The following EFNA1 variants were observed in gnomAD, a reference collection of about 807,000 sequenced individuals.
The protein encoded by EFNA1 is ephrin A1, also known as ephrin-A1.
In EFNA1, 8 loss-of-function variants were observed where a neutral mutation model predicts 23.2. That is an observed-to-expected ratio of 0.34 (90% CI 0.20 to 0.62). EFNA1 has a LOEUF of 0.62. EFNA1 is among the 20% of genes least tolerant of loss of function. The pLI is 0.75. For missense variants in EFNA1, 217 were observed against 260.0 expected (o/e 0.83, Z 1.14); for synonymous variants, 89 against 98.6 (o/e 0.90, Z 0.58).
chr1:155,133,488 G>A lies in EFNA1; in HGVS notation c.389-15G>A, dbSNP rs1333109316. On this transcript the variant is annotated splice_polypyrimidine_tract_variant and intron_variant, in intron 2 of 4. Transcript: ENST00000368407. Reference sequence around the variant, plus strand: ...CAAAGGTTTCTTATTTAACCCCTGTGGGCTTATCTTGCAGCCAAACCCATC... The same window carrying A: ...CAAAGGTTTCTTATTTAACCCCTGTAGGCTTATCTTGCAGCCAAACCCATC... 6.2e-7 allele frequency: 1 copy of A among 1,614,134 alleles called. No individual in the cohort carries two copies. The highest frequency in any genetic ancestry group is 1.7e-5 in the Admixed American group (1 of 60,010).
In EFNA1 at chr1:155,133,582, C is replaced by G. The variant is rs1274088816; in HGVS notation, c.454+14C>G. The G allele has an allele frequency of 6.2e-7, 1 of 1,613,636 alleles. No individual in the cohort carries two copies. Among genetic ancestry groups the G allele is most frequent in the African/African-American group, 1.3e-5 (1 of 74,822 alleles). ...GTGGCAAAATCAGTGAGTGTCAGAGCCCTGTGGGCCTCCTTCCTCCATCTC... is the reference window on the plus strand; with the variant it reads ...GTGGCAAAATCAGTGAGTGTCAGAGGCCTGTGGGCCTCCTTCCTCCATCTC... On this transcript the variant is annotated intron_variant, in intron 3 of 4. Transcript: ENST00000368407.
Position 155,131,321 on chromosome 1 carries a change from C to A in EFNA1, c.93-18C>A, listed in dbSNP as rs772022950. 2 of 1,594,584 alleles carry A rather than the reference C, an allele frequency of 1.3e-6. No homozygotes were observed. Among genetic ancestry groups the A allele is most frequent in the South Asian group, 1.1e-5 (1 of 90,606 alleles). On this transcript the variant is annotated intron_variant, in intron 1 of 4. Transcript: ENST00000368407. ...TTCTGAATGACCACCTGCTTCTTCCCCCTGTGTGTGTCCCCAGGTTCCGGA... is the reference window on the plus strand; with the variant it reads ...TTCTGAATGACCACCTGCTTCTTCCACCTGTGTGTGTCCCCAGGTTCCGGA...
At chr1:155,130,981 T>C in intron 1 of EFNA1, 1 of 985,290 alleles carries the variant, frequency 1.0e-6, no homozygotes, top group African/African-American at 1.7e-5. Flanking sequence ...AGAACAGATT[T>C]GGGGAAATAT....
In EFNA1 at chr1:155,127,881, T is replaced by G. The variant is rs1440910333; in HGVS notation, c.-97T>G. ...AGTCGCTAGGCGAAGGGGCCAGATC[T>G]GTGAGCCCAGCGCTGACTGCGCCGC... is the stretch of plus-strand genomic sequence containing the variant. On this transcript the variant is annotated 5_prime_UTR_variant, in exon 1 of 5. Coordinates refer to ENST00000368407, the MANE Select transcript of EFNA1 (RefSeq NM_004428.3). The surrounding 1 kb of genome is among the most constrained non-coding windows in gnomAD (Gnocchi z 4.4). 1 of 921,652 alleles carries G rather than the reference T, an allele frequency of 1.1e-6. No homozygotes were observed. The highest frequency in any genetic ancestry group is 1.7e-5 in the African/African-American group (1 of 59,836). 57.1% of individuals were successfully genotyped at this position (921,652 alleles called of 1,614,324 possible).
chr1:155,131,745 A>C (rs1664243914), intron 2 of EFNA1, 111 bp downstream of exon 2: 1 of 1,231,256 alleles, frequency 8.1e-7, no homozygotes, highest in Non-Finnish European at 1.1e-6. Context: ...CCGATCTTGA[A>C]TTCTATTTTC....
At chr1:155,131,290 C>T (rs377143145) in intron 1 of EFNA1, 49 bp from the exon 2 acceptor site, 33 of 1,571,286 alleles carry the variant, frequency 2.1e-5, no homozygotes, top group African/African-American at 4.0e-5. Flanking sequence ...AAGGATCTGG[C>T]CTGGCTTCTG....
rs1375907579 is a variant in EFNA1, at chr1:155,133,745, C to A, written c.470C>A (p.Ala157Asp). Residue 157 changes from alanine to aspartate, a missense_variant, in exon 4 of 5, where the codon GCC (alanine) becomes GAC (aspartate). Ala to Asp is a moderately radical substitution (Grantham distance 126). Coordinates refer to ENST00000368407, the MANE Select transcript of EFNA1 (RefSeq NM_004428.3). ...TGTCTTTCAGCTCACAGTCCTCAGG[C>A]CCATGACAATCCACAGGAGAAGAGA... Reference protein sequence around the residue: ...VSGKITHSPQAHDNPQEKRLA... With the variant: ...VSGKITHSPQDHDNPQEKRLA... The A allele has an allele frequency of 6.2e-7, 1 of 1,613,968 alleles. No homozygotes were observed. The highest frequency in any genetic ancestry group is 1.3e-5 in the African/African-American group (1 of 74,872).
Position 155,127,905 on chromosome 1 carries a change from G to A in EFNA1, c.-73G>A. The A allele has an allele frequency of 1.6e-6, 2 of 1,218,842 alleles. No homozygotes were observed. The highest frequency in any genetic ancestry group is 2.3e-6 in the Non-Finnish European group (2 of 856,948). The allele number at this position is 1,218,842 out of a possible 1,614,324, so 75.5% of individuals were successfully genotyped here. On this transcript the variant is annotated 5_prime_UTR_variant, in exon 1 of 5. Coordinates refer to ENST00000368407, the MANE Select transcript of EFNA1 (RefSeq NM_004428.3). This position sits in a 1 kb window ranked among gnomAD's most constrained non-coding sequence, Gnocchi z 4.4. ...CTGTGAGCCCAGCGCTGACTGCGCCGCGGAGAAAGCCAGTGGGAACCCAGA... is the reference window on the plus strand; with the variant it reads ...CTGTGAGCCCAGCGCTGACTGCGCCACGGAGAAAGCCAGTGGGAACCCAGA...
At position 155,134,422 on chromosome 1, in the gene EFNA1, T is replaced by C; in HGVS notation, c.*355T>C. On this transcript the variant is annotated 3_prime_UTR_variant, in exon 5 of 5. Coordinates refer to ENST00000368407, the MANE Select transcript of EFNA1 (RefSeq NM_004428.3). ...AAGGGGCCACGTGGATGGGCAAAGC[T>C]TGTCAAAGATGCCCCCTCCAGGAGA... 1 of 315,210 alleles carries C rather than the reference T, an allele frequency of 3.2e-6. No homozygotes were observed. The highest frequency in any genetic ancestry group is 7.8e-5 in the East Asian group (1 of 12,806). 19.5% of individuals were successfully genotyped at this position (315,210 alleles called of 1,614,324 possible). A position where few individuals can be genotyped will look rare whatever the true frequency, so the allele number is the denominator to read the frequency against.
intron 2 of EFNA1, 128 bp downstream of exon 2, chr1:155,131,762 C>T (rs1472587748): frequency 9.4e-7 from 1 of 1,067,836 alleles, no homozygotes; most frequent in African/African-American, 1.6e-5. Flanking sequence ...TTTCATTCAT[C>T]TACATCCCAA....
In EFNA1 at chr1:155,134,045, T is replaced by G; in HGVS notation, c.596T>G (p.Leu199Arg). 2 of 1,614,122 alleles carry G rather than the reference T, an allele frequency of 1.2e-6. No individual in the cohort carries two copies. Among genetic ancestry groups the G allele is most frequent in the Non-Finnish European group, 1.7e-6 (2 of 1,180,014 alleles). ...GCCTGGACTGTGCTGCTCCTTCCAC[T>G]TCTGCTGCTGCAAACCCCGTGAAGG... ...PLAWTVLLLP[L>R]LLLQTP The change falls in exon 5 of 5, where the codon CTT becomes CGT. Residue 199 changes from leucine to arginine, a missense_variant. By Grantham distance (102) the Leu-to-Arg change is moderately radical. Coordinates refer to ENST00000368407, the MANE Select transcript of EFNA1 (RefSeq NM_004428.3).
At position 155,130,785 on chromosome 1, in the gene EFNA1, G is replaced by A. The variant is rs933685636; in HGVS notation, c.93-554G>A. 24 of 984,836 alleles carry A rather than the reference G, an allele frequency of 2.4e-5. No homozygotes were observed. The African/African-American group carries it at 4.2e-4, about 17-fold the overall frequency. 61.0% of individuals were successfully genotyped at this position (984,836 alleles called of 1,614,324 possible). A position where few individuals can be genotyped will look rare whatever the true frequency, so the allele number is the denominator to read the frequency against. ...TCACTTTTGAGGAAAAGTGAAGCTG[G>A]GAAATGTGAGATCTACTCAGTGGGT... is the stretch of plus-strand genomic sequence containing the variant. On this transcript the variant is annotated intron_variant, in intron 1 of 4. Coordinates refer to ENST00000368407, the MANE Select transcript of EFNA1 (RefSeq NM_004428.3).
rs1296206919 is a variant in EFNA1, at chr1:155,133,587, T to C, written c.454+19T>C. 1.2e-6 allele frequency: 2 copies of C among 1,613,670 alleles called. No individual in the cohort carries two copies. Among genetic ancestry groups the C allele is most frequent in the Admixed American group, 1.7e-5 (1 of 59,918 alleles). On this transcript the variant is annotated intron_variant, in intron 3 of 4. Transcript: ENST00000368407. ...AAAATCAGTGAGTGTCAGAGCCCTG[T>C]GGGCCTCCTTCCTCCATCTCTATGC...
chr1:155,131,276 GC>G, intron 1 of EFNA1, 62 bp from the exon 2 acceptor site: 3 of 1,547,968 alleles, frequency 1.9e-6, no homozygotes, highest in Non-Finnish European at 2.6e-6. Context: ...ACATTCAGAG[GC>G]CCAAGGATCT....
intron 1 of EFNA1, chr1:155,130,697 A>G (rs1049323371): frequency 1.6e-5 from 16 of 985,318 alleles, no homozygotes; most frequent in South Asian, 4.7e-5. Flanking sequence ...GGCTGAATGA[A>G]TTGATGAGAG....
chr1:155,130,964 A>G, intron 1 of EFNA1: 1 of 985,412 alleles, frequency 1.0e-6, no homozygotes, highest in Non-Finnish European at 1.2e-6. Flanking sequence ...TAAAAGGAGC[A>G]ACTGGTAGAA....
chr1:155,133,400 T>A lies in EFNA1; in HGVS notation c.389-103T>A, dbSNP rs532244005. The A allele has an allele frequency of 2.3e-6, 3 of 1,306,362 alleles. No individual in the cohort carries two copies. In the South Asian group the frequency reaches 3.7e-5, roughly 16 times the overall value. The allele number at this position is 1,306,362 out of a possible 1,614,324, so 80.9% of individuals were successfully genotyped here. A position where few individuals can be genotyped will look rare whatever the true frequency, so the allele number is the denominator to read the frequency against. On this transcript the variant is annotated intron_variant, in intron 2 of 4. Transcript: ENST00000368407. ...ATCAAGGTTAGAGGGAAGAGAAGAA[T>A]GAAATTGAGTAGGGAGCTGAGAAAG...
At chr1:155,130,967 T>C (rs1229814128) in intron 1 of EFNA1, 2 of 985,182 alleles carry the variant, frequency 2.0e-6, no homozygotes, top group Middle Eastern at 5.2e-4. Flanking sequence ...AAGGAGCAAC[T>C]GGTAGAACAG....
intron 2 of EFNA1, among the ~76,000 whole-genome samples, chr1:155,133,102 G>T (rs1664274437): frequency 6.6e-6 from 1 of 151,998 alleles, no homozygotes; most frequent in African/African-American, 2.4e-5. Context: ...GTAGAGACGG[G>T]GTTTCACCAT....
Sources: allele counts gnomAD v4.1 joint callset (sites outside exome capture counted in the v4.1 genomes callset), GRCh38; gene constraint gnomAD v4.1.1; non-coding constraint Gnocchi (gnomAD v3.1); transcripts MANE v1.5; gene names NCBI Gene and HGNC (gene_info 2026-07-23, HGNC 2026-07-21).